CALCR: variants seen among roughly 807,000 people sequenced by gnomAD.
The protein encoded by CALCR is calcitonin receptor.
A neutral mutation model predicts 59.5 loss-of-function variants in CALCR; 47 were observed. That is an observed-to-expected ratio of 0.79 (90% CI 0.63 to 1.01). CALCR has a LOEUF of 1.01. CALCR is among the 50% of genes least tolerant of loss of function. The probability of loss-of-function intolerance (pLI) is 0.00; values close to 1 mark genes in which losing one functional copy is unlikely to be tolerated. For missense variants in CALCR, 566 were observed against 597.1 expected (o/e 0.95, Z 0.54); for synonymous variants, 213 against 211.3 (o/e 1.01, Z -0.07).
chr7:93,532,078 A>G (rs1316614348), intron 2 of CALCR, among the ~76,000 whole-genome samples: 1 of 152,118 alleles, frequency 6.6e-6, no homozygotes, highest in Non-Finnish European at 1.5e-5. Context: ...ACCCTAAAGT[A>G]CTATCTATTG....
rs1212790416 is a variant in CALCR, at chr7:93,540,685, TTTA to T, written c.-27+33601_-27+33603del. Among the ~76,000 whole-genome samples, 10 of 61,288 alleles carry T rather than the reference TTTA, an allele frequency of 1.6e-4. No homozygotes were observed. In the East Asian group the frequency reaches 3.4e-3, roughly 21 times the overall value. 40.2% of individuals were successfully genotyped at this position (61,288 alleles called of 152,430 possible). A position where few individuals can be genotyped will look rare whatever the true frequency, so the allele number is the denominator to read the frequency against. ...TTATGACAGCTCTAAGTTATACATC[TTTA>T]TTATATTTTATATATTATATTTTAT... On this transcript the variant is annotated intron_variant, in intron 2 of 13. Coordinates refer to ENST00000426151, the MANE Select transcript of CALCR (RefSeq NM_001742.4).
chr7:93,498,042 C>T (rs1405059527), intron 2 of CALCR, among the ~76,000 whole-genome samples: 1 of 151,544 alleles, frequency 6.6e-6, no homozygotes, highest in South Asian at 2.1e-4. Flanking sequence ...TTACTGGTCA[C>T]GTTTTTGTCA....
chr7:93,515,501 A>G (rs12374832), intron 2 of CALCR, among the ~76,000 whole-genome samples: 6,032 of 152,152 alleles, frequency 0.04, 171 homozygotes, highest in Middle Eastern at 0.068. Context: ...TATGAATAGT[A>G]TTACTTTAGC....
intron 8 of CALCR, among the ~76,000 whole-genome samples, chr7:93,456,899 A>G (rs182218139): frequency 2.0e-5 from 3 of 152,162 alleles, no homozygotes; most frequent in Admixed American, 1.3e-4. Flanking sequence ...CCTAAATCTC[A>G]CACTCATATT....
chr7:93,452,079 C>CT (rs1800120892), intron 8 of CALCR, among the ~76,000 whole-genome samples: 1 of 151,920 alleles, frequency 6.6e-6, no homozygotes, highest in Admixed American at 6.6e-5. Context: ...ACTATGCTCA[C>CT]TACCTGAGTG....
intron 2 of CALCR, among the ~76,000 whole-genome samples, chr7:93,492,590 C>T (rs766908903): frequency 2.0e-5 from 3 of 151,328 alleles, no homozygotes; most frequent in Non-Finnish European, 3.0e-5. Flanking sequence ...CACGCACACA[C>T]GTATTAAGTG....
intron 7 of CALCR, among the ~76,000 whole-genome samples, chr7:93,462,402 A>C (rs968428745): frequency 8.5e-5 from 13 of 152,110 alleles, no homozygotes; most frequent in African/African-American, 2.7e-4. Flanking sequence ...CTGGTTTTAT[A>C]ATAGCACTAA....
chr7:93,427,273 C>T (rs1799550122), intron 13 of CALCR, among the ~76,000 whole-genome samples: 1 of 152,108 alleles, frequency 6.6e-6, no homozygotes, highest in Admixed American at 6.5e-5. Flanking sequence ...ACTACAATAA[C>T]CACAACTGAA....
chr7:93,529,321 A>G (rs747481202), intron 2 of CALCR, among the ~76,000 whole-genome samples: 8 of 152,058 alleles, frequency 5.3e-5, no homozygotes, highest in Non-Finnish European at 8.8e-5. Flanking sequence ...ACCGTGTAAG[A>G]TACCTGCACC....
chr7:93,513,538 A>C (rs1432601399), intron 2 of CALCR, among the ~76,000 whole-genome samples: 1 of 152,012 alleles, frequency 6.6e-6, no homozygotes, highest in East Asian at 1.9e-4. Flanking sequence ...TGTTTTCTAG[A>C]AGGTTGGTTT....
At chr7:93,459,275 T>C (rs1800269861) in intron 8 of CALCR, among the ~76,000 whole-genome samples, 1 of 152,090 alleles carries the variant, frequency 6.6e-6, no homozygotes, top group African/African-American at 2.4e-5. Flanking sequence ...CATGTGACAA[T>C]GCAAAGGAAA....
intron 3 of CALCR, chr7:93,482,727 T>C (rs763373353): frequency 5.7e-6 from 3 of 529,956 alleles, no homozygotes; most frequent in Non-Finnish European, 1.2e-5. Flanking sequence ...ACAATCTGTA[T>C]ACGAGTAGTT....
intron 10 of CALCR, 38 bp from the exon 11 acceptor site, chr7:93,438,164 A>G: frequency 6.2e-7 from 1 of 1,610,012 alleles, no homozygotes; most frequent in Non-Finnish European, 8.5e-7. Context: ...ACACAAATAC[A>G]TTTTGTTTAT....
chr7:93,499,371 G>T (rs919013382), intron 2 of CALCR, among the ~76,000 whole-genome samples: 1 of 151,694 alleles, frequency 6.6e-6, no homozygotes, highest in Non-Finnish European at 1.5e-5. Flanking sequence ...AGTATGTTAG[G>T]ATATTAAAAG....
chr7:93,531,165 A>G (rs1460776056), intron 2 of CALCR, among the ~76,000 whole-genome samples: 1 of 152,138 alleles, frequency 6.6e-6, no homozygotes, highest in African/African-American at 2.4e-5. Flanking sequence ...ACAGGACGTT[A>G]AATTCTTTTT....
chr7:93,494,607 C>T (rs1412881015), intron 2 of CALCR, among the ~76,000 whole-genome samples: 1 of 151,434 alleles, frequency 6.6e-6, no homozygotes, highest in African/African-American at 2.4e-5. Context: ...TAGATCTCTG[C>T]TCACCAAGCC....
chr7:93,445,093 T>C (rs1799983809), intron 8 of CALCR, among the ~76,000 whole-genome samples: 1 of 152,072 alleles, frequency 6.6e-6, no homozygotes, highest in Non-Finnish European at 1.5e-5. Context: ...TTGTCAGAGG[T>C]AGAATCAACC....
intron 11 of CALCR, 133 bp downstream of exon 11, chr7:93,437,927 T>A (rs942362256): frequency 2.3e-6 from 2 of 871,366 alleles, no homozygotes; most frequent in Admixed American, 5.5e-5. Flanking sequence ...CAAATTGCTT[T>A]TTTTTACTAC....
intron 9 of CALCR, among the ~76,000 whole-genome samples, chr7:93,439,004 T>C (rs780281586): frequency 1.3e-5 from 2 of 152,172 alleles, no homozygotes; most frequent in African/African-American, 4.8e-5. Context: ...TATTCTGTAG[T>C]ATAACCTAAA....
Sources: allele counts gnomAD v4.1 joint callset (sites outside exome capture counted in the v4.1 genomes callset), GRCh38; gene constraint gnomAD v4.1.1; transcripts MANE v1.5; gene names NCBI Gene and HGNC (gene_info 2026-07-23, HGNC 2026-07-21).